The following EML6 variants were observed in gnomAD, a reference collection of about 807,000 sequenced individuals.
EML6 encodes echinoderm microtubule-associated protein-like 6.
Under a neutral mutation model 240.1 loss-of-function variants are expected in EML6, and 154 were observed. The ratio of observed to expected loss-of-function variants is 0.64; its 90% CI spans 0.56 to 0.73. EML6 has a LOEUF of 0.73. EML6 is among the 30% of genes least tolerant of loss of function. EML6 has a pLI of 0.00. For synonymous variants in EML6, 1,148 were observed against 899.0 expected (o/e 1.28, Z -4.95); for missense variants, 2,964 against 2,474.6 (o/e 1.20, Z -4.20).
chr2:54,810,535 T>G (rs1345868103), intron 2 of EML6, among the ~76,000 whole-genome samples: 4 of 152,196 alleles, frequency 2.6e-5, no homozygotes, highest in Non-Finnish European at 5.9e-5. Context: ...ATCTCAAGGA[T>G]TTTAAAATAG....
intron 2 of EML6, among the ~76,000 whole-genome samples, chr2:54,739,492 G>A (rs532448718): frequency 1.1e-4 from 17 of 152,322 alleles, no homozygotes; most frequent in African/African-American, 3.6e-4. Context: ...TGGACCCCCA[G>A]GTTAAGAAAC....
chr2:54,831,909 C>T (rs985505281), intron 7 of EML6, among the ~76,000 whole-genome samples: 1 of 152,156 alleles, frequency 6.6e-6, no homozygotes, highest in African/African-American at 2.4e-5. Flanking sequence ...ACGACCAGTA[C>T]TCTTAATTGC....
At chr2:54,856,061 T>C (rs1206868629) in intron 11 of EML6, among the ~76,000 whole-genome samples, 2 of 152,238 alleles carry the variant, frequency 1.3e-5, no homozygotes, top group Non-Finnish European at 2.9e-5. Context: ...TGCAATTATA[T>C]GTGTATAACA....
At chr2:54,740,023 A>G (rs1005788636) in intron 2 of EML6, among the ~76,000 whole-genome samples, 1 of 152,200 alleles carries the variant, frequency 6.6e-6, no homozygotes, top group Non-Finnish European at 1.5e-5. Flanking sequence ...CAGCTGGTTG[A>G]ATGGTGATGA....
At chr2:54,819,293 A>G (rs1182192835) in intron 4 of EML6, among the ~76,000 whole-genome samples, 1 of 152,154 alleles carries the variant, frequency 6.6e-6, no homozygotes, top group African/African-American at 2.4e-5. Flanking sequence ...AATCTCCTGG[A>G]GTCTCTTTAA....
chr2:54,796,432 T>C (rs17046343), intron 2 of EML6, among the ~76,000 whole-genome samples: 32,067 of 152,230 alleles, frequency 0.21, 3,697 homozygotes, highest in Middle Eastern at 0.32. Flanking sequence ...CACATTTATA[T>C]AACCTGTGCA....
intron 7 of EML6, among the ~76,000 whole-genome samples, chr2:54,842,076 A>C (rs947094459): frequency 6.6e-6 from 1 of 151,924 alleles, no homozygotes; most frequent in Non-Finnish European, 1.5e-5. Flanking sequence ...TTGACGTGTC[A>C]TTATCACCCA....
chr2:54,836,159 G>C (rs1002126584), intron 7 of EML6, among the ~76,000 whole-genome samples: 10 of 152,254 alleles, frequency 6.6e-5, no homozygotes, highest in African/African-American at 2.4e-4. Context: ...CAGGAGATGT[G>C]GTGTCACTGT....
At chr2:54,833,404 G>T (rs1668975359) in intron 7 of EML6, among the ~76,000 whole-genome samples, 1 of 152,160 alleles carries the variant, frequency 6.6e-6, no homozygotes, top group African/African-American at 2.4e-5. Context: ...AACTAAGATG[G>T]ATACTAAGCT....
intron 28 of EML6, 113 bp from the exon 29 acceptor site, chr2:54,948,769 T>G (rs1675816648): frequency 1.3e-6 from 1 of 765,200 alleles, no homozygotes; most frequent in East Asian, 2.7e-5. Flanking sequence ...TGGAGGGGCC[T>G]TTGAGGCGGG....
intron 17 of EML6, among the ~76,000 whole-genome samples, chr2:54,886,863 C>G (rs1405999802): frequency 6.6e-6 from 1 of 152,088 alleles, no homozygotes; most frequent in African/African-American, 2.4e-5. Context: ...GGCAAGAATG[C>G]TTTATAGGTA....
At chr2:54,947,586 T>G (rs1195000889) in intron 28 of EML6, among the ~76,000 whole-genome samples, 1 of 152,058 alleles carries the variant, frequency 6.6e-6, no homozygotes, top group Non-Finnish European at 1.5e-5. Flanking sequence ...TGAGTTGAAC[T>G]TGATTTGGAA....
intron 25 of EML6, among the ~76,000 whole-genome samples, chr2:54,915,443 G>A (rs959712019): frequency 2.6e-5 from 4 of 152,126 alleles, no homozygotes; most frequent in Admixed American, 2.6e-4. Context: ...TTCTCTTCCT[G>A]TGAAGGTTAG....
At chr2:54,918,922 G>T (rs1674074064) in intron 26 of EML6, among the ~76,000 whole-genome samples, 1 of 152,130 alleles carries the variant, frequency 6.6e-6, no homozygotes, top group African/African-American at 2.4e-5. Flanking sequence ...TCGAACTCCT[G>T]TGTAATATTT....
At chr2:54,830,856 C>T (rs1668834629) in intron 7 of EML6, among the ~76,000 whole-genome samples, 1 of 152,170 alleles carries the variant, frequency 6.6e-6, no homozygotes, top group South Asian at 2.1e-4. Context: ...GGACTCTTGT[C>T]TTCTCACGGA....
At chr2:54,950,816 G>C (rs892780850) in intron 30 of EML6, 37 bp downstream of exon 30, 14 of 1,538,946 alleles carry the variant, frequency 9.1e-6, no homozygotes, top group Middle Eastern at 1.7e-4. Context: ...TTTTCTTTTA[G>C]CTGTTTTTTA....
intron 38 of EML6, among the ~76,000 whole-genome samples, chr2:54,965,668 A>C (rs1676717215): frequency 6.6e-6 from 1 of 151,618 alleles, no homozygotes; most frequent in Admixed American, 6.6e-5. Flanking sequence ...GCACTAAGTC[A>C]CTTCCTGGGT....
At chr2:54,947,176 C>CTTTA (rs2104470295) in intron 28 of EML6, among the ~76,000 whole-genome samples, 1 of 152,174 alleles carries the variant, frequency 6.6e-6, no homozygotes, top group African/African-American at 2.4e-5. Context: ...TACACTTAAA[C>CTTTA]GTTCTTAGGT....
At position 54,907,475 on chromosome 2, in the gene EML6, C is replaced by G. The variant is rs539705648; in HGVS notation, c.3410-3479C>G. Among the ~76,000 whole-genome samples, 9 of 152,262 alleles carry G rather than the reference C, an allele frequency of 5.9e-5. No homozygotes were observed. In the South Asian group the frequency reaches 1.7e-3, roughly 28 times the overall value. Reference sequence around the variant, plus strand: ...GGAGCTGAGATGGCACCACTGAACTCCAGCCTGGGTAACAGAGCGAGACTA... The same window carrying G: ...GGAGCTGAGATGGCACCACTGAACTGCAGCCTGGGTAACAGAGCGAGACTA... On this transcript the variant is annotated intron_variant, in intron 24 of 41. Transcript: ENST00000356458.
Sources: gnomAD v4.1 joint callset for allele counts (sites outside exome capture counted in the v4.1 genomes callset) on GRCh38, gnomAD v4.1.1 for gene constraint, MANE v1.5 for transcripts, NCBI Gene and HGNC (gene_info 2026-07-23, HGNC 2026-07-21) for gene names.